The following OR5B3 variants were observed in gnomAD, a reference collection of about 807,000 sequenced individuals.
The protein encoded by OR5B3 is olfactory receptor 5B3.
For missense variants in OR5B3, 430 were observed against 375.4 expected (o/e 1.15, Z -1.20); for synonymous variants, 150 against 135.0 (o/e 1.11, Z -0.77).
intron 1 of OR5B3, among the ~76,000 whole-genome samples, chr11:58,404,813 G>T (rs944212012): frequency 5.9e-5 from 9 of 152,004 alleles, no homozygotes; most frequent in Admixed American, 4.6e-4. Flanking sequence ...GATCTGATTT[G>T]GTGGCAAGTT....
chr11:58,402,966 G>A lies in OR5B3; in HGVS notation c.444C>T (p.Leu148=). ...VCARLAIGSY[L]CGFLNASIHT... Reference sequence around the variant, plus strand: ...GGATGGAGGCATTCAGGAAACCACAGAGGTAGGAGCCTATGGCCAGACGAG... The same window carrying A: ...GGATGGAGGCATTCAGGAAACCACAAAGGTAGGAGCCTATGGCCAGACGAG... The change falls in exon 2 of 2, where the codon CTC becomes CTT. Residue 148 remains leucine (L), a synonymous_variant. Coordinates refer to ENST00000641865, the MANE Select transcript of OR5B3 (RefSeq NM_001005469.2). 1 of 1,613,920 alleles carries A rather than the reference G, an allele frequency of 6.2e-7. No individual in the cohort carries two copies. Among genetic ancestry groups the A allele is most frequent in the East Asian group, 2.2e-5 (1 of 44,872 alleles).
At chr11:58,405,907 A>G (rs1485417528) in intron 1 of OR5B3, among the ~76,000 whole-genome samples, 3 of 152,144 alleles carry the variant, frequency 2.0e-5, no homozygotes, top group Admixed American at 6.5e-5. Context: ...AATACTACAC[A>G]GCCATGAAAA....
chr11:58,404,989 A>G (rs1855082146), intron 1 of OR5B3, among the ~76,000 whole-genome samples: 1 of 152,130 alleles, frequency 6.6e-6, no homozygotes, highest in Non-Finnish European at 1.5e-5. Context: ...TGGAGTATGG[A>G]TCCTGTCACC....
At chr11:58,403,765 A>C (rs11229414) in intron 1 of OR5B3, among the ~76,000 whole-genome samples, 1 of 151,816 alleles carries the variant, frequency 6.6e-6, no homozygotes, top group Non-Finnish European at 1.5e-5. Flanking sequence ...AAAAGCTGAC[A>C]CATGTTGCTA....
At chr11:58,405,883 C>T (rs942541396) in intron 1 of OR5B3, among the ~76,000 whole-genome samples, 1 of 151,968 alleles carries the variant, frequency 6.6e-6, no homozygotes, top group Non-Finnish European at 1.5e-5. Flanking sequence ...AGATGTGGTA[C>T]ATATACACCA....
At position 58,402,505 on chromosome 11, in the gene OR5B3, A is replaced by G. The variant is rs1368397944; in HGVS notation, c.905T>C (p.Val302Ala). The change falls in exon 2 of 2, where the codon GTT becomes GCT. Residue 302 changes from valine (V) to alanine (A), a missense_variant. Physicochemically the swap from Val to Ala is moderately conservative, Grantham distance 64 (BLOSUM62 0). Coordinates refer to ENST00000641865, the MANE Select transcript of OR5B3 (RefSeq NM_001005469.2). The stretch of plus-strand genomic sequence containing the variant: ...TACAGACAATTTTGCCTTCTCAACA[A>G]CTTTCTTGAATGCACTCTTCACTTC... The part of the protein sequence containing the change: ...NKEVKSAFKK[V>A]VEKAKLSVGW... The G allele has an allele frequency of 1.2e-6, 2 of 1,613,124 alleles. No homozygotes were observed. Among genetic ancestry groups the G allele is most frequent in the East Asian group, 2.2e-5 (1 of 44,884 alleles).
In OR5B3 at chr11:58,403,410, C is replaced by A. The variant is rs144578972; in HGVS notation, c.-1G>T. The stretch of plus-strand genomic sequence containing the variant: ...GTGTTACTTCTGTCTTATTTTCCAT[C>A]ACTGCTCTGGGGGACTCACAGGATG... On this transcript the variant is annotated 5_prime_UTR_variant, in exon 2 of 2. Coordinates refer to ENST00000641865, the MANE Select transcript of OR5B3 (RefSeq NM_001005469.2). The A allele has an allele frequency of 1.4e-3, 2,176 of 1,536,850 alleles. 3 individuals carry two copies. Among genetic ancestry groups the A allele is most frequent in the Non-Finnish European group, 1.6e-3 (1,814 of 1,131,742 alleles).
In OR5B3 at chr11:58,402,996, C is replaced by A. The variant is rs11229412; in HGVS notation, c.414G>T (p.Val138=). ...LHYTTTMTTT[V]CARLAIGSYL... ...AGGAGCCTATGGCCAGACGAGCACA[C>A]ACAGTTGTTGTCATGGTTGTGGTGT... Residue 138 remains valine, a synonymous_variant, in exon 2 of 2, where the codon GTG becomes GTT. Coordinates refer to ENST00000641865, the MANE Select transcript of OR5B3 (RefSeq NM_001005469.2). 0.35 allele frequency: 561,829 copies of A among 1,613,598 alleles called. 100,178 individuals carry two copies. The highest frequency in any genetic ancestry group is 0.37 in the Non-Finnish European group (435,475 of 1,179,724).
In OR5B3 at chr11:58,403,256, A is replaced by G. The variant is rs1207412048; in HGVS notation, c.154T>C (p.Cys52Arg). ...AAAAAGTACATGGGATTGTGGAGAC[A>G]GGAATCCCAGAATATCAATACAATA... is the stretch of plus-strand genomic sequence containing the variant. ...GIIVLIFWDS[C>R]LHNPMYFFLS... is the part of the protein sequence containing the mutation. Residue 52 changes from cysteine (C) to arginine (R), a missense_variant, in exon 2 of 2, where the codon TGT becomes CGT. By Grantham distance (180) the Cys-to-Arg change is radical. Coordinates refer to ENST00000641865, the MANE Select transcript of OR5B3 (RefSeq NM_001005469.2). 6.2e-7 allele frequency: 1 copy of G among 1,613,754 alleles called. No individual in the cohort carries two copies.
Position 58,402,964 on chromosome 11 carries a change from C to G in OR5B3, c.446G>C (p.Cys149Ser). The stretch of plus-strand genomic sequence containing the variant: ...GTGGATGGAGGCATTCAGGAAACCA[C>G]AGAGGTAGGAGCCTATGGCCAGACG... ...CARLAIGSYL[C>S]GFLNASIHTG... Residue 149 changes from cysteine (C) to serine (S), a missense_variant, in exon 2 of 2, where the codon TGT becomes TCT. Coordinates refer to ENST00000641865, the MANE Select transcript of OR5B3 (RefSeq NM_001005469.2). The G allele has an allele frequency of 6.2e-7, 1 of 1,613,872 alleles. No homozygotes were observed. The highest frequency in any genetic ancestry group is 1.3e-5 in the African/African-American group (1 of 74,958).
chr11:58,405,406 A>G (rs1855086923), intron 1 of OR5B3, among the ~76,000 whole-genome samples: 1 of 152,236 alleles, frequency 6.6e-6, no homozygotes, highest in Non-Finnish European at 1.5e-5. Flanking sequence ...ACCATGGAAT[A>G]CTATGCAGCC....
At position 58,406,838 on chromosome 11, in the gene OR5B3, A is replaced by G. The variant is rs1294706819; in HGVS notation, c.-64T>C. The G allele has an allele frequency of 6.6e-6, 1 of 152,200 alleles. No homozygotes were observed. Among genetic ancestry groups the G allele is most frequent in the African/African-American group, 2.4e-5 (1 of 41,454 alleles). The allele number at this position is 152,200 out of a possible 1,614,324, so 9.4% of individuals were successfully genotyped here. A position where few individuals can be genotyped will look rare whatever the true frequency, so the allele number is the denominator to read the frequency against. ...TGAGCAGAAACAGTCAATACAGAAT[A>G]GTTGTTCTGCAATCAGAAAATCAGC... On this transcript the variant is annotated 5_prime_UTR_variant, in exon 1 of 2. Coordinates refer to ENST00000641865, the MANE Select transcript of OR5B3 (RefSeq NM_001005469.2).
chr11:58,406,640 A>C (rs1189276651), intron 1 of OR5B3, among the ~76,000 whole-genome samples, 161 bp downstream of exon 1: 1 of 152,182 alleles, frequency 6.6e-6, no homozygotes, highest in Non-Finnish European at 1.5e-5. Flanking sequence ...TAAATTTCCT[A>C]TAATGGAACA....
At position 58,403,584 on chromosome 11, in the gene OR5B3, C is replaced by T. The variant is rs192230256; in HGVS notation, c.-26-149G>A. The T allele has an allele frequency of 4.0e-4, 204 of 508,904 alleles. 1 individual carries two copies. The highest frequency in any genetic ancestry group is 6.3e-4 in the Non-Finnish European group (183 of 289,972). 31.5% of individuals were successfully genotyped at this position (508,904 alleles called of 1,614,324 possible). A position where few individuals can be genotyped will look rare whatever the true frequency, so the allele number is the denominator to read the frequency against. On this transcript the variant is annotated intron_variant, in intron 1 of 1. Coordinates refer to ENST00000641865, the MANE Select transcript of OR5B3 (RefSeq NM_001005469.2). ...GCGGCCTTGACAACCAAATGCAGTG[C>T]ATTAATTATACAGAGTTACATACTG...
In OR5B3 at chr11:58,405,181, A is replaced by C. The variant is rs565017146; in HGVS notation, c.-27+1620T>G. ...TTCTGTTCTTGTGTTACTTTGCTTA[A>C]GATTATGGCCTCCAGATTCATCCAC... is the stretch of plus-strand genomic sequence containing the variant. On this transcript the variant is annotated intron_variant, in intron 1 of 1. Coordinates refer to ENST00000641865, the MANE Select transcript of OR5B3 (RefSeq NM_001005469.2). 2.6e-5 allele frequency among the ~76,000 whole-genome samples: 4 copies of C among 152,254 alleles called. No homozygotes were observed. The East Asian group carries it at 7.7e-4, about 29-fold the overall frequency.
chr11:58,405,278 A>G (rs1855085391), intron 1 of OR5B3, among the ~76,000 whole-genome samples: 1 of 152,178 alleles, frequency 6.6e-6, no homozygotes, highest in Non-Finnish European at 1.5e-5. Flanking sequence ...ACAGATTACT[A>G]TTTGACCCAG....
Position 58,402,766 on chromosome 11 carries a change from G to T in OR5B3, c.644C>A (p.Ser215Tyr), listed in dbSNP as rs1855046570. 6.2e-6 allele frequency: 10 copies of T among 1,613,728 alleles called. 1 individual carries two copies. The East Asian group carries it at 2.2e-4, about 36-fold the overall frequency. ...IFIALLVILI[S>Y]YTFIFITILK... ...GATGGTGATAAAAATGAATGTGTAG[G>T]ATATCAAGATAACCAGGAGAGCTAT... is the stretch of plus-strand genomic sequence containing the variant. Residue 215 changes from serine (S) to tyrosine (Y), a missense_variant, in exon 2 of 2, where the codon TCC (serine) becomes TAC (tyrosine). By Grantham distance (144) the Ser-to-Tyr change is moderately radical. Coordinates refer to ENST00000641865, the MANE Select transcript of OR5B3 (RefSeq NM_001005469.2).
chr11:58,403,136 A>G lies in OR5B3; in HGVS notation c.274T>C (p.Tyr92His). The G allele has an allele frequency of 1.2e-6, 2 of 1,614,100 alleles. No homozygotes were observed. Among genetic ancestry groups the G allele is most frequent in the Non-Finnish European group, 1.7e-6 (2 of 1,179,948 alleles). Residue 92 changes from tyrosine to histidine, a missense_variant, in exon 2 of 2, where the codon TAC becomes CAC. Physicochemically the swap from Tyr to His is moderately conservative, Grantham distance 83. Coordinates refer to ENST00000641865, the MANE Select transcript of OR5B3 (RefSeq NM_001005469.2). ...GFLIEDKVISYNACAAQMYIF... is the reference protein window; with the variant it reads ...GFLIEDKVISHNACAAQMYIF... ...TACATTTGAGCAGCACATGCATTGT[A>G]AGAGATGACCTTGTCTTCTATAAGG...
intron 1 of OR5B3, among the ~76,000 whole-genome samples, chr11:58,404,555 T>A (rs1484357805): frequency 1.3e-5 from 2 of 151,810 alleles, no homozygotes; most frequent in Non-Finnish European, 2.9e-5. Context: ...CTAGGACCAC[T>A]GAGATTTTCT....
Sources: allele counts gnomAD v4.1 joint callset (sites outside exome capture counted in the v4.1 genomes callset), GRCh38; gene constraint gnomAD v4.1.1; transcripts MANE v1.5; gene names NCBI Gene and HGNC (gene_info 2026-07-23, HGNC 2026-07-21).